Variants in SETD4 observed in about 807,000 individuals in gnomAD.
SETD4 encodes SET domain-containing protein 4.
SETD4 carries 46 observed loss-of-function variants against 58.3 expected under a neutral mutation model. The observed-to-expected ratio is 0.79, with a 90% CI of 0.62 to 1.01. The LOEUF (loss-of-function observed/expected upper bound fraction) is 1.01. Among genes scored for constraint, SETD4 ranks in the 50% least tolerant of loss-of-function variants. The pLI, the probability that SETD4 is intolerant of heterozygous loss-of-function variation, is 0.00. For synonymous variants in SETD4, 190 were observed against 202.6 expected (o/e 0.94, Z 0.53); for missense variants, 490 against 523.3 (o/e 0.94, Z 0.62).
At chr21:36,052,782 T>C (rs1446901530) in intron 4 of SETD4, 3 of 152,168 alleles carry the variant, frequency 2.0e-5, no homozygotes, top group Non-Finnish European at 4.4e-5. Flanking sequence ...GAGGCTGTCA[T>C]TTACTTCCTC....
In SETD4 at chr21:36,038,179, T is replaced by C. The variant is rs2835239; in HGVS notation, c.1159A>G (p.Ile387Val). The change falls in exon 10 of 12, where the codon ATA (isoleucine) becomes GTA (valine). Residue 387 changes from isoleucine to valine, a missense_variant. Coordinates refer to ENST00000332131, the MANE Select transcript of SETD4 (RefSeq NM_017438.5). ...DIAQKICYYF[I>V]EETNAVLQKV... is the part of the protein sequence containing the mutation. Reference sequence around the variant, plus strand: ...TGAAGCACAGCATTAGTCTCTTCTATGAAATAATAGCATATTTTCTGGGCT... The same window carrying C: ...TGAAGCACAGCATTAGTCTCTTCTACGAAATAATAGCATATTTTCTGGGCT... The C allele has an allele frequency of 0.056, 90,310 of 1,613,786 alleles. 2,952 individuals are homozygous for C. The highest frequency in any genetic ancestry group is 0.062 in the Non-Finnish European group (73,674 of 1,179,826).
intron 3 of SETD4, among the ~76,000 whole-genome samples, chr21:36,055,667 A>G (rs1462541298): frequency 6.6e-6 from 1 of 152,242 alleles, no homozygotes; most frequent in Non-Finnish European, 1.5e-5. Flanking sequence ...AAGCACTTAC[A>G]GAAGGTTCCC....
intron 5 of SETD4, among the ~76,000 whole-genome samples, chr21:36,047,157 A>T (rs2064368618): frequency 6.6e-6 from 1 of 152,182 alleles, no homozygotes; most frequent in African/African-American, 2.4e-5. Context: ...TGGGAGGCTG[A>T]GGCATGAGAA....
intron 10 of SETD4, 98 bp from the exon 11 acceptor site, chr21:36,036,349 C>G: frequency 8.4e-7 from 1 of 1,195,578 alleles, no homozygotes; most frequent in Non-Finnish European, 1.2e-6. Flanking sequence ...GTGTATGGTT[C>G]AGCAGCATGA....
In SETD4 at chr21:36,045,564, CCCTTGTCAGCTTCTCA is replaced by C; in HGVS notation, c.726+2_726+17del. 1 of 1,607,564 alleles carries C rather than the reference CCCTTGTCAGCTTCTCA, an allele frequency of 6.2e-7. No homozygotes were observed. Among genetic ancestry groups the C allele is most frequent in the Non-Finnish European group, 8.5e-7 (1 of 1,175,244 alleles). On this transcript the variant is annotated splice_donor_variant and splice_donor_5th_base_variant and intron_variant, in intron 6 of 11. Coordinates refer to ENST00000332131, the MANE Select transcript of SETD4 (RefSeq NM_017438.5). LOFTEE classifies it high-confidence loss of function. ...TTCCTATCCAAATAGAATAGCTGCT[CCCTTGTCAGCTTCTCA>C]CCTGGACATGTGGGCTATGATTCAG...
chr21:36,059,545 GGGCGTGGTGGC>G (rs1186722524), intron 1 of SETD4: 1 of 169,482 alleles, frequency 5.9e-6, no homozygotes. Flanking sequence ...AAAATCAGCC[GGGCGTGGTGGC>G]AGGCACCTGT....
intron 3 of SETD4, among the ~76,000 whole-genome samples, chr21:36,054,788 C>G (rs2064901780): frequency 6.7e-6 from 1 of 148,694 alleles, no homozygotes; most frequent in Non-Finnish European, 1.5e-5. Flanking sequence ...TTTGATGCTC[C>G]TGGCTCATGG....
At chr21:36,045,499 C>T (rs1489247283) in intron 6 of SETD4, 83 bp downstream of exon 6, 1 of 1,508,108 alleles carries the variant, frequency 6.6e-7, no homozygotes, top group Admixed American at 1.9e-5. Context: ...CCTGTGGTGC[C>T]ACCCACATCT....
chr21:36,058,384 C>T (rs1295033990), intron 2 of SETD4, among the ~76,000 whole-genome samples: 3 of 151,822 alleles, frequency 2.0e-5, no homozygotes, highest in African/African-American at 7.3e-5. Flanking sequence ...ACCTGTAGTC[C>T]CAGGTACTTG....
chr21:36,048,293 T>A lies in SETD4; in HGVS notation c.296+15A>T, dbSNP rs758245485. The A allele has an allele frequency of 3.1e-6, 5 of 1,611,168 alleles. No homozygotes were observed. Among genetic ancestry groups the A allele is most frequent in the Non-Finnish European group, 4.2e-6 (5 of 1,177,452 alleles). On this transcript the variant is annotated intron_variant, in intron 5 of 11. Coordinates refer to ENST00000332131, the MANE Select transcript of SETD4 (RefSeq NM_017438.5). ...GAAGCACTTGCACCAGGTAAGCAAG[T>A]GTGTGGTCACTTACTTAGTAATGTA...
At position 36,043,889 on chromosome 21, in the gene SETD4, T is replaced by C. The variant is rs369417169; in HGVS notation, c.794A>G (p.His265Arg). The change falls in exon 7 of 12, where the codon CAT becomes CGT. Residue 265 changes from histidine (H) to arginine (R), a missense_variant. Physicochemically the swap from His to Arg is conservative, Grantham distance 29. Coordinates refer to ENST00000332131, the MANE Select transcript of SETD4 (RefSeq NM_017438.5). Reference sequence around the variant, plus strand: ...GCCGTAACAGATGAATACCTCTTCATGCTTTCTCCAACGTGAAGTCGTTCT... The same window carrying C: ...GCCGTAACAGATGAATACCTCTTCACGCTTTCTCCAACGTGAAGTCGTTCT... ...EIRTTSRWRKHEEVFICYGPH... is the reference protein window; with the variant it reads ...EIRTTSRWRKREEVFICYGPH... 3.0e-5 allele frequency: 48 copies of C among 1,614,248 alleles called. 2 individuals are homozygous for C. The highest frequency in any genetic ancestry group is 2.5e-4 in the African/African-American group (19 of 75,070).
chr21:36,040,265 T>C lies in SETD4; in HGVS notation c.1064+310A>G, dbSNP rs114599543. On this transcript the variant is annotated intron_variant, in intron 9 of 11. Coordinates refer to ENST00000332131, the MANE Select transcript of SETD4 (RefSeq NM_017438.5). ...ACCTACCTACTCAGAGACTTTCCTC[T>C]GAACAGTGCCAATGCCCACACTTTT... Among the ~76,000 whole-genome samples, 478 of 152,168 alleles carry C rather than the reference T, an allele frequency of 3.1e-3. 3 individuals carry two copies. The highest frequency in any genetic ancestry group is 0.011 in the African/African-American group (459 of 41,402).
intron 9 of SETD4, among the ~76,000 whole-genome samples, chr21:36,038,832 G>T (rs1157100505): frequency 6.6e-6 from 1 of 152,154 alleles, no homozygotes; most frequent in African/African-American, 2.4e-5. Flanking sequence ...TCAGTCAGCA[G>T]GCAGGGCCCA....
At chr21:36,047,828 A>C (rs910363697) in intron 5 of SETD4, among the ~76,000 whole-genome samples, 1 of 138,644 alleles carries the variant, frequency 7.2e-6, no homozygotes, top group Non-Finnish European at 1.6e-5. Context: ...GTCTCTACTA[A>C]AAATACAAAA....
chr21:36,042,111 C>T (rs1322425238), intron 7 of SETD4: 2 of 336,362 alleles, frequency 5.9e-6, no homozygotes, highest in South Asian at 4.0e-5. Context: ...GGACTAAACA[C>T]GCATAACCTC....
At chr21:36,036,849 T>C (rs1345224012) in intron 10 of SETD4, among the ~76,000 whole-genome samples, 11 of 152,180 alleles carry the variant, frequency 7.2e-5, no homozygotes, top group African/African-American at 2.7e-4. Context: ...TTCAGCCTTA[T>C]AAAAAAGGAA....
intron 8 of SETD4, 42 bp from the exon 9 acceptor site, chr21:36,040,697 T>A: frequency 6.4e-7 from 1 of 1,552,496 alleles, no homozygotes; most frequent in Non-Finnish European, 8.9e-7. Flanking sequence ...ATCATTTCAG[T>A]ATTTCATGAC....
In SETD4 at chr21:36,049,090, G is replaced by A. The variant is rs576187274; in HGVS notation, c.208-694C>T. Among the ~76,000 whole-genome samples the A allele has an allele frequency of 1.4e-4, 21 of 152,250 alleles. No individual in the cohort carries two copies. In the South Asian group the frequency reaches 3.1e-3, roughly 23 times the overall value. ...GGCCAGCATGCCCAACACAGTAAGCGTCGAACTCTACCACTTGCAAGAGTA... is the reference window on the plus strand; with the variant it reads ...GGCCAGCATGCCCAACACAGTAAGCATCGAACTCTACCACTTGCAAGAGTA... On this transcript the variant is annotated intron_variant, in intron 4 of 11. Transcript: ENST00000332131.
chr21:36,046,203 G>A (rs188331247), intron 5 of SETD4, among the ~76,000 whole-genome samples, 192 bp from the exon 6 acceptor site: 1 of 152,298 alleles, frequency 6.6e-6, no homozygotes, highest in East Asian at 1.9e-4. Context: ...CCCAGTGCTA[G>A]TGCTCTGAAA....
Sources: gnomAD v4.1 joint callset for allele counts (sites outside exome capture counted in the v4.1 genomes callset) on GRCh38, gnomAD v4.1.1 for gene constraint, MANE v1.5 for transcripts, NCBI Gene and HGNC (gene_info 2026-07-23, HGNC 2026-07-21) for gene names.